Variants in NBAS observed in about 807,000 individuals in gnomAD.
NBAS encodes the protein NBAS subunit of NRZ tethering complex.
NBAS carries 219 observed loss-of-function variants against 302.5 expected under a neutral mutation model. The ratio of observed to expected loss-of-function variants is 0.72; its 90% CI spans 0.65 to 0.81. NBAS has a LOEUF of 0.81. NBAS is among the 30% of genes least tolerant of loss of function. NBAS has a pLI of 0.00. For missense variants in NBAS, 2,932 were observed against 2,841.6 expected (o/e 1.03, Z -0.72); for synonymous variants, 1,118 against 1,021.6 (o/e 1.09, Z -1.80).
the NBAS span, among the ~76,000 whole-genome samples, chr2:15,056,336 T>C: frequency 6.6e-6 from 1 of 152,218 alleles, no homozygotes; most frequent in African/African-American, 2.4e-5. Flanking sequence ...CTACAGGAAA[T>C]ATTCTCTAAA....
chr2:15,213,992 C>T (rs939829925), intron 48 of NBAS, among the ~76,000 whole-genome samples: 1 of 152,136 alleles, frequency 6.6e-6, no homozygotes, highest in Non-Finnish European at 1.5e-5. Flanking sequence ...TGTCAGCAAA[C>T]TATGGCAAAC....
chr2:15,176,756 C>T (rs1309531374), intron 51 of NBAS, among the ~76,000 whole-genome samples: 1 of 152,042 alleles, frequency 6.6e-6, no homozygotes, highest in East Asian at 1.9e-4. Context: ...GAATTTGAGG[C>T]CATTTTGGAT....
At chr2:15,236,159 G>C (rs1393529559) in intron 45 of NBAS, among the ~76,000 whole-genome samples, 1 of 151,990 alleles carries the variant, frequency 6.6e-6, no homozygotes, top group Non-Finnish European at 1.5e-5. Flanking sequence ...TGACTGAACG[G>C]TACTCACAAG....
At chr2:15,375,232 A>G (rs917254892) in intron 30 of NBAS, among the ~76,000 whole-genome samples, 1 of 152,230 alleles carries the variant, frequency 6.6e-6, no homozygotes. Context: ...TTGGTAATAC[A>G]CAGTTCTGAG....
chr2:15,102,569 T>G, the NBAS span, among the ~76,000 whole-genome samples: 12 of 152,242 alleles, frequency 7.9e-5, no homozygotes, highest in Non-Finnish European at 1.5e-5. Context: ...AGGCCTTTTA[T>G]TCAGCTTTGC....
Position 15,356,426 on chromosome 2 carries a change from C to T in NBAS, c.3818-10G>A. 6.3e-7 allele frequency: 1 copy of T among 1,591,806 alleles called. No homozygotes were observed. The highest frequency in any genetic ancestry group is 8.6e-7 in the Non-Finnish European group (1 of 1,159,866). ...TCTTCTGGGTTCTCACCTGTAAGTC[C>T]AAGCAAAGGACTTAATGATTATGAC... On this transcript the variant is annotated splice_polypyrimidine_tract_variant and intron_variant, in intron 32 of 51. Coordinates refer to ENST00000281513, the MANE Select transcript of NBAS (RefSeq NM_015909.4).
chr2:15,291,368 T>C (rs1670297300), intron 41 of NBAS, among the ~76,000 whole-genome samples: 2 of 152,258 alleles, frequency 1.3e-5, no homozygotes, highest in Admixed American at 1.3e-4. Context: ...AAGACATTTA[T>C]ACAAAGTTTA....
the NBAS span, among the ~76,000 whole-genome samples, chr2:14,956,460 A>G: frequency 6.6e-6 from 1 of 150,924 alleles, no homozygotes; most frequent in Non-Finnish European, 1.5e-5. Context: ...TCCTTATAGA[A>G]CCCCACGCTC....
chr2:15,500,292 A>C (rs1375485183), intron 11 of NBAS, among the ~76,000 whole-genome samples: 1 of 152,126 alleles, frequency 6.6e-6, no homozygotes, highest in Non-Finnish European at 1.5e-5. Flanking sequence ...ATTCTTAAAG[A>C]AAAAATACTC....
chr2:15,456,535 T>G (rs1679255007), intron 21 of NBAS, among the ~76,000 whole-genome samples: 1 of 152,242 alleles, frequency 6.6e-6, no homozygotes, highest in African/African-American at 2.4e-5. Flanking sequence ...GCTACATTCG[T>G]GAACAAGAGG....
chr2:15,328,003 A>C, intron 37 of NBAS, 133 bp from the exon 38 acceptor site: 1 of 1,356,584 alleles, frequency 7.4e-7, no homozygotes, highest in Non-Finnish European at 1.0e-6. Context: ...AAAGCATGTT[A>C]TTTTATGAAA....
At chr2:14,882,496 G>C in the NBAS span, among the ~76,000 whole-genome samples, 1 of 152,116 alleles carries the variant, frequency 6.6e-6, no homozygotes. Context: ...TTCCACCCTT[G>C]ACATTCCAAA....
At chr2:15,015,360 C>A in the NBAS span, among the ~76,000 whole-genome samples, 1 of 151,958 alleles carries the variant, frequency 6.6e-6, no homozygotes, top group Non-Finnish European at 1.5e-5. Flanking sequence ...GCCCTATATG[C>A]CTGATGAACA....
the NBAS span, among the ~76,000 whole-genome samples, chr2:14,813,742 G>C: frequency 6.6e-6 from 1 of 152,172 alleles, no homozygotes; most frequent in Non-Finnish European, 1.5e-5. Context: ...CCATTTTCCA[G>C]GAAGAAATTC....
chr2:14,890,824 A>AAAAC, the NBAS span: 86 of 160,888 alleles, frequency 5.3e-4, no homozygotes, highest in African/African-American at 1.3e-3. Context: ...ACTCTGTCTC[A>AAAAC]AAACAAACAA....
intron 21 of NBAS, among the ~76,000 whole-genome samples, chr2:15,445,910 TA>T (rs70961414): frequency 4.0e-5 from 6 of 148,224 alleles, no homozygotes; most frequent in Admixed American, 6.7e-5. Context: ...TCTCGGAGAT[TA>T]AAAAAAAAAT....
At chr2:14,874,873 A>C in the NBAS span, among the ~76,000 whole-genome samples, 15 of 152,052 alleles carry the variant, frequency 9.9e-5, no homozygotes, top group Non-Finnish European at 1.8e-4. Flanking sequence ...AATATCATTC[A>C]CTCTACTAAG....
the NBAS span, among the ~76,000 whole-genome samples, chr2:14,834,865 G>A: frequency 2.6e-5 from 4 of 152,046 alleles, no homozygotes; most frequent in Non-Finnish European, 5.9e-5. Context: ...AGCACTGTAG[G>A]TGAGAACTCT....
chr2:15,369,865 AT>A (rs1342639622), intron 31 of NBAS, among the ~76,000 whole-genome samples: 1 of 152,210 alleles, frequency 6.6e-6, no homozygotes. Flanking sequence ...TGTAAAAAGC[AT>A]TTTCTAACCA....
Sources: gnomAD v4.1 joint callset for allele counts (sites outside exome capture counted in the v4.1 genomes callset) on GRCh38, gnomAD v4.1.1 for gene constraint, MANE v1.5 for transcripts, NCBI Gene and HGNC (gene_info 2026-07-23, HGNC 2026-07-21) for gene names.